Variants in RIMS1 observed in about 807,000 individuals in gnomAD.
RIMS1 encodes regulating synaptic membrane exocytosis protein 1.
In RIMS1, 83 loss-of-function variants were observed where a neutral mutation model predicts 214.1. The observed-to-expected ratio is 0.39, with a 90% CI of 0.32 to 0.47. The LOEUF is 0.47. Ranked by LOEUF, RIMS1 falls within the 20% of genes least tolerant of loss-of-function variation. The pLI is 0.99. For synonymous variants in RIMS1, 793 were observed against 786.8 expected, an observed-to-expected ratio of 1.01 and a Z score of -0.13; for missense variants, 2,050 against 2,161.8, an observed-to-expected ratio of 0.95 and a Z score of 1.03.
At chr6:72,152,821 A>AATATATGT (rs2043840837) in intron 4 of RIMS1, among the ~76,000 whole-genome samples, 2 of 59,358 alleles carry the variant, frequency 3.4e-5, no homozygotes, top group Admixed American at 2.0e-4. Context: ...ATATATATGG[A>AATATATGT]ATATATGTAT....
At chr6:71,887,474 G>C (rs149761053) in intron 1 of RIMS1, among the ~76,000 whole-genome samples, 34 of 152,256 alleles carry the variant, frequency 2.2e-4, no homozygotes, top group African/African-American at 7.9e-4. Context: ...CCACGCTCGT[G>C]GTGGGAAGTG....
intron 16 of RIMS1, among the ~76,000 whole-genome samples, chr6:72,255,905 G>A (rs1026530808): frequency 1.3e-5 from 2 of 151,632 alleles, no homozygotes; most frequent in Non-Finnish European, 2.9e-5. Flanking sequence ...GCCTGGTGGC[G>A]CACGCCTGTA....
At chr6:72,276,821 CG>C (rs1296358361) in intron 23 of RIMS1, among the ~76,000 whole-genome samples, 1 of 152,084 alleles carries the variant, frequency 6.6e-6, no homozygotes, top group Non-Finnish European at 1.5e-5. Flanking sequence ...TCGTAATGAA[CG>C]TTGGCATTTC....
Position 72,259,045 on chromosome 6 carries a change from C to A in RIMS1, c.2987C>A (p.Ala996Asp). The change falls in exon 18 of 34, where the codon GCC (alanine) becomes GAC (aspartate). Residue 996 changes from alanine (A) to aspartate (D), a missense_variant. Around this residue, in one of 6 missense-constraint regions of RIMS1, gnomAD observed 889 missense variants for 885.5 expected, o/e 1.00. Coordinates refer to ENST00000521978, the MANE Select transcript of RIMS1 (RefSeq NM_014989.7). ...RSRSPTRHHD[A>D]SRSPVDHRTR... ...CGTTCTCCAACCAGACACCATGATG[C>A]CTCCCGAAGTCCAGTTGATCATAGA... 1 of 1,611,642 alleles carries A rather than the reference C, an allele frequency of 6.2e-7. No individual in the cohort carries two copies. Among genetic ancestry groups the A allele is most frequent in the Non-Finnish European group, 8.5e-7 (1 of 1,177,978 alleles).
chr6:71,931,867 A>G (rs1176069665), intron 1 of RIMS1, among the ~76,000 whole-genome samples: 1 of 151,886 alleles, frequency 6.6e-6, no homozygotes, highest in Non-Finnish European at 1.5e-5. Context: ...CAATTGTATT[A>G]AAAAAAGCTT....
intron 4 of RIMS1, among the ~76,000 whole-genome samples, chr6:72,137,085 A>G (rs2153870485): frequency 6.6e-6 from 1 of 152,204 alleles, no homozygotes; most frequent in East Asian, 1.9e-4. Context: ...ATAAAGTTGT[A>G]TACCATAATG....
intron 23 of RIMS1, 77 bp from the exon 24 acceptor site, chr6:72,283,970 C>A (rs2091358035): frequency 1.7e-6 from 2 of 1,181,152 alleles, no homozygotes; most frequent in Non-Finnish European, 2.5e-6. Context: ...TTTTTCATGT[C>A]TATTGTGTTT....
chr6:72,089,414 C>T (rs978799557), intron 2 of RIMS1, among the ~76,000 whole-genome samples: 7 of 151,986 alleles, frequency 4.6e-5, no homozygotes, highest in South Asian at 2.1e-4. Flanking sequence ...CTGATTTCTG[C>T]GGCTTCCTGA....
chr6:72,258,359 T>A, intron 17 of RIMS1, 78 bp downstream of exon 17: 3 of 1,329,616 alleles, frequency 2.3e-6, no homozygotes, highest in Admixed American at 2.5e-5. Flanking sequence ...CAAAACTAAC[T>A]GAAATGAAAA....
Position 72,183,120 on chromosome 6 carries a change from A to C in RIMS1, c.1649A>C (p.Glu550Ala). The C allele has an allele frequency of 6.3e-7, 1 of 1,591,860 alleles. No individual in the cohort carries two copies. Among genetic ancestry groups the C allele is most frequent in the Non-Finnish European group, 8.5e-7 (1 of 1,170,314 alleles). ...GAGTACACCAGCTGCGAGGACGTGG[A>C]GCTGGAGAGCGAGAGCGTCAGCGAG... Reference protein sequence around the residue: ...TPEYTSCEDVELESESVSEKG... With the variant: ...TPEYTSCEDVALESESVSEKG... Residue 550 changes from glutamate (E) to alanine (A), a missense_variant, in exon 6 of 34, where the codon GAG becomes GCG. Transcript: ENST00000521978.
intron 2 of RIMS1, among the ~76,000 whole-genome samples, chr6:72,088,970 G>C (rs1283304072): frequency 6.6e-6 from 1 of 151,294 alleles, no homozygotes; most frequent in Non-Finnish European, 1.5e-5. Flanking sequence ...GAGAGGGAGG[G>C]GAGAGAGATA....
chr6:71,902,368 G>A (rs1172182541), intron 1 of RIMS1, among the ~76,000 whole-genome samples: 5 of 152,062 alleles, frequency 3.3e-5, no homozygotes, highest in Admixed American at 2.0e-4. Context: ...GCTGGGTCAT[G>A]TATAAGATGA....
chr6:72,337,837 A>G (rs1321613608), intron 29 of RIMS1, among the ~76,000 whole-genome samples: 1 of 145,518 alleles, frequency 6.9e-6, no homozygotes, highest in Admixed American at 7.2e-5. Flanking sequence ...GAGAACATGC[A>G]GTGTTTGGTT....
chr6:72,057,054 C>T (rs1017473532), intron 2 of RIMS1, among the ~76,000 whole-genome samples: 2 of 152,118 alleles, frequency 1.3e-5, no homozygotes, highest in Non-Finnish European at 2.9e-5. Context: ...GGAAAAATAA[C>T]TAATGGGTAC....
chr6:71,920,733 C>G (rs1779725626), intron 1 of RIMS1, among the ~76,000 whole-genome samples: 1 of 152,130 alleles, frequency 6.6e-6, no homozygotes, highest in Admixed American at 6.5e-5. Flanking sequence ...GCTTAACTAG[C>G]CAGCATTAAA....
chr6:72,273,442 TC>T (rs2084471530), intron 22 of RIMS1, among the ~76,000 whole-genome samples: 1 of 152,116 alleles, frequency 6.6e-6, no homozygotes, highest in African/African-American at 2.4e-5. Context: ...AAATTTTAAT[TC>T]TGACCCATTC....
intron 5 of RIMS1, among the ~76,000 whole-genome samples, chr6:72,180,239 G>A (rs1348156337): frequency 2.0e-5 from 3 of 152,236 alleles, no homozygotes; most frequent in African/African-American, 7.2e-5. Flanking sequence ...AATTAAAAGT[G>A]TGCTCTGAGA....
Position 71,940,942 on chromosome 6 carries a change from G to A in RIMS1, c.165-28041G>A, listed in dbSNP as rs189989411. Among the ~76,000 whole-genome samples the A allele has an allele frequency of 4.2e-4, 64 of 152,218 alleles. No homozygotes were observed. In the East Asian group the frequency reaches 8.1e-3, roughly 19 times the overall value. On this transcript the variant is annotated intron_variant, in intron 1 of 33. Coordinates refer to ENST00000521978, the MANE Select transcript of RIMS1 (RefSeq NM_014989.7). ...GCTGAGAAAAAGTTTATAATTGCAA[G>A]GTTTTTTTTTAAGTAAATGCTTTGA...
At chr6:72,051,901 A>T (rs1366787526) in intron 2 of RIMS1, among the ~76,000 whole-genome samples, 1 of 152,094 alleles carries the variant, frequency 6.6e-6, no homozygotes, top group Non-Finnish European at 1.5e-5. Context: ...CATAATCAGT[A>T]GTAGATTTAT....
Sources: allele counts gnomAD v4.1 joint callset (sites outside exome capture counted in the v4.1 genomes callset), GRCh38; gene constraint gnomAD v4.1.1; regional missense constraint gnomAD v4.1.1; transcripts MANE v1.5; gene names NCBI Gene and HGNC (gene_info 2026-07-23, HGNC 2026-07-21).